Variants in TSPAN13 observed in about 807,000 individuals in gnomAD.
The protein encoded by TSPAN13 is tetraspanin-13.
In TSPAN13, 18 loss-of-function variants were observed where a neutral mutation model predicts 26.9. That is an observed-to-expected ratio of 0.67 (90% CI 0.46 to 0.99). The LOEUF (loss-of-function observed/expected upper bound fraction) is 0.99. TSPAN13 is among the 50% of genes least tolerant of loss of function. The pLI is 0.00. For missense variants in TSPAN13, 201 were observed against 249.6 expected (o/e 0.81, Z 1.31); for synonymous variants, 116 against 98.4 (o/e 1.18, Z -1.06).
intron 1 of TSPAN13, among the ~76,000 whole-genome samples, chr7:16,772,682 A>G (rs1176827029): frequency 6.6e-6 from 1 of 152,106 alleles, no homozygotes; most frequent in Admixed American, 6.6e-5. Flanking sequence ...ATTTAGTTCC[A>G]TCTTTTACCA....
intron 3 of TSPAN13, 50 bp from the exon 4 acceptor site, chr7:16,777,748 T>C (rs757365919): frequency 7.0e-7 from 1 of 1,423,288 alleles, no homozygotes; most frequent in South Asian, 1.2e-5. Context: ...TCCAGCTTTA[T>C]ACATTTTCTG....
intron 1 of TSPAN13, among the ~76,000 whole-genome samples, chr7:16,766,823 T>TA (rs761591874): frequency 1.1e-4 from 16 of 152,206 alleles, no homozygotes; most frequent in Non-Finnish European, 2.1e-4. Flanking sequence ...AAGGGGGTGT[T>TA]ACATTTTTCA....
intron 1 of TSPAN13, among the ~76,000 whole-genome samples, chr7:16,763,442 T>C (rs1388408273): frequency 6.6e-6 from 1 of 152,222 alleles, no homozygotes; most frequent in Non-Finnish European, 1.5e-5. Flanking sequence ...ATCCAGTAGT[T>C]GGGTCATAAG....
At chr7:16,754,166 C>A in intron 1 of TSPAN13, 136 bp downstream of exon 1, 2 of 896,314 alleles carry the variant, frequency 2.2e-6, no homozygotes, top group Non-Finnish European at 3.5e-6. Context: ...CTGCGCGCCC[C>A]CGGCCTCACC....
intron 1 of TSPAN13, among the ~76,000 whole-genome samples, chr7:16,761,158 CT>C (rs1784537085): frequency 6.6e-6 from 1 of 152,092 alleles, no homozygotes; most frequent in Non-Finnish European, 1.5e-5. Context: ...TTTCCATATA[CT>C]TTGTATTTTT....
At chr7:16,772,837 A>G (rs1784696010) in intron 1 of TSPAN13, among the ~76,000 whole-genome samples, 1 of 152,030 alleles carries the variant, frequency 6.6e-6, no homozygotes, top group Non-Finnish European at 1.5e-5. Flanking sequence ...CTCTACTAAA[A>G]ATACAAAAAT....
At chr7:16,776,424 A>G (rs889672459) in intron 2 of TSPAN13, 46 bp downstream of exon 2, 43 of 1,573,128 alleles carry the variant, frequency 2.7e-5, no homozygotes, top group Non-Finnish European at 3.6e-5. Flanking sequence ...GACTATTTTG[A>G]TGGTTACAAC....
intron 3 of TSPAN13, among the ~76,000 whole-genome samples, 175 bp from the exon 4 acceptor site, chr7:16,777,623 G>T (rs971765972): frequency 1.3e-5 from 2 of 152,104 alleles, no homozygotes; most frequent in Non-Finnish European, 2.9e-5. Context: ...TCAATCTTGG[G>T]ATAGAAATAG....
intron 1 of TSPAN13, among the ~76,000 whole-genome samples, chr7:16,767,845 A>G (rs1008899100): frequency 9.9e-5 from 15 of 151,744 alleles, no homozygotes; most frequent in African/African-American, 3.6e-4. Flanking sequence ...GACTCTTACT[A>G]CCTTTCACCA....
At chr7:16,780,779 C>T (rs535001842) in intron 5 of TSPAN13, among the ~76,000 whole-genome samples, 16 of 152,230 alleles carry the variant, frequency 1.1e-4, no homozygotes, top group African/African-American at 3.8e-4. Context: ...TTCAGTTATG[C>T]TATTTTTTAA....
chr7:16,755,820 A>G (rs1473961226), intron 1 of TSPAN13, among the ~76,000 whole-genome samples: 2 of 152,154 alleles, frequency 1.3e-5, no homozygotes, highest in African/African-American at 2.4e-5. Context: ...TATTTAGAGT[A>G]TATCAGGAAA....
chr7:16,783,734 T>C lies in TSPAN13; in HGVS notation c.*243T>C, dbSNP rs1243340504. On this transcript the variant is annotated 3_prime_UTR_variant, in exon 6 of 6. Transcript: ENST00000262067. ...CACCTGGAATTTACTGTATTCATTG[T>C]CGGGCACTGTCCACTGTGGCCTTTC... The C allele has an allele frequency of 3.8e-6, 2 of 528,988 alleles. No individual in the cohort carries two copies. Among genetic ancestry groups the C allele is most frequent in the African/African-American group, 3.8e-5 (2 of 52,826 alleles). The allele number at this position is 528,988 out of a possible 1,614,324, so 32.8% of individuals were successfully genotyped here. A position where few individuals can be genotyped will look rare whatever the true frequency, so the allele number is the denominator to read the frequency against.
rs184464154 is a variant in TSPAN13 at position 16,774,663 on chromosome 7, A to G, written c.64-1548A>G. On this transcript the variant is annotated intron_variant, in intron 1 of 5. Coordinates refer to ENST00000262067, the MANE Select transcript of TSPAN13 (RefSeq NM_014399.4). ...ATAAGGAGCAGTTGGGAAAATGAGAAGGACTAGACGAATTTCTGAGTGGCA... is the reference window on the plus strand; with the variant it reads ...ATAAGGAGCAGTTGGGAAAATGAGAGGGACTAGACGAATTTCTGAGTGGCA... 1.7e-3 allele frequency among the ~76,000 whole-genome samples: 266 copies of G among 152,300 alleles called. 5 individuals carry two copies. The Middle Eastern group carries it at 0.024, about 14-fold the overall frequency.
At chr7:16,768,018 T>C (rs929528414) in intron 1 of TSPAN13, among the ~76,000 whole-genome samples, 2 of 152,198 alleles carry the variant, frequency 1.3e-5, no homozygotes, top group African/African-American at 2.4e-5. Context: ...GTTCAAGCGA[T>C]TCTCCTGCCT....
At chr7:16,764,111 G>A (rs763115411) in intron 1 of TSPAN13, among the ~76,000 whole-genome samples, 7 of 152,188 alleles carry the variant, frequency 4.6e-5, no homozygotes, top group Non-Finnish European at 7.4e-5. Context: ...TCTGCCTGTC[G>A]GGTTCAAGCG....
rs1174418250 is a variant in TSPAN13, at chr7:16,753,821, A to G, written c.-147A>G. 1 of 743,082 alleles carries G rather than the reference A, an allele frequency of 1.3e-6. No homozygotes were observed. The highest frequency in any genetic ancestry group is 1.8e-5 in the South Asian group (1 of 54,760). The allele number at this position is 743,082 out of a possible 1,614,324, so 46.0% of individuals were successfully genotyped here. The stretch of plus-strand genomic sequence containing the variant: ...AGCCGCCGCCGCGCGCGCGCCGCGC[A>G]CTGCAGCCCCAGGCCCCGGCCCCCC... On this transcript the variant is annotated 5_prime_UTR_variant, in exon 1 of 6. Transcript: ENST00000262067.
intron 5 of TSPAN13, among the ~76,000 whole-genome samples, chr7:16,782,003 G>A (rs1784818499): frequency 6.6e-6 from 1 of 152,178 alleles, no homozygotes; most frequent in South Asian, 2.1e-4. Flanking sequence ...GAGGACCTGT[G>A]TGATTATTTT....
intron 1 of TSPAN13, among the ~76,000 whole-genome samples, chr7:16,757,127 C>T (rs547318971): frequency 6.6e-6 from 1 of 152,022 alleles, no homozygotes; most frequent in East Asian, 1.9e-4. Context: ...AAGGAATATA[C>T]TGACTTTAGG....
intron 1 of TSPAN13, among the ~76,000 whole-genome samples, chr7:16,773,084 G>C (rs1046965098): frequency 2.7e-5 from 4 of 150,614 alleles, no homozygotes; most frequent in African/African-American, 9.8e-5. Context: ...GGTCAGCTGG[G>C]CTATTCTGTT....
Sources: gnomAD v4.1 joint callset for allele counts (sites outside exome capture counted in the v4.1 genomes callset) on GRCh38, gnomAD v4.1.1 for gene constraint, MANE v1.5 for transcripts, NCBI Gene and HGNC (gene_info 2026-07-23, HGNC 2026-07-21) for gene names.